Variants in TTC39C observed in about 807,000 individuals in gnomAD.
The protein encoded by TTC39C is tetratricopeptide repeat domain 39C, also known as tetratricopeptide repeat protein 39C.
TTC39C carries 33 observed loss-of-function variants against 76.3 expected under a neutral mutation model. The ratio of observed to expected loss-of-function variants is 0.43; its 90% CI spans 0.33 to 0.58. The LOEUF (loss-of-function observed/expected upper bound fraction) is 0.58. Ranked by LOEUF, TTC39C falls within the 20% of genes least tolerant of loss-of-function variation. TTC39C has a pLI of 0.04. For missense variants in TTC39C, 595 were observed against 701.4 expected, an observed-to-expected ratio of 0.85 and a Z score of 1.71; for synonymous variants, 254 against 260.6, an observed-to-expected ratio of 0.97 and a Z score of 0.24.
intron 6 of TTC39C, among the ~76,000 whole-genome samples, chr18:24,112,188 C>A (rs142473132): frequency 6.6e-6 from 1 of 152,198 alleles, no homozygotes; most frequent in South Asian, 2.1e-4. Flanking sequence ...CAGGCTCTGC[C>A]TCCATGGTTG....
chr18:24,073,672 C>T (rs1425014566), intron 4 of TTC39C, among the ~76,000 whole-genome samples: 10 of 152,236 alleles, frequency 6.6e-5, no homozygotes, highest in African/African-American at 2.2e-4. Flanking sequence ...TGTACCACCA[C>T]ACCTGGCTAA....
At position 24,051,797 on chromosome 18, in the gene TTC39C, A is replaced by G. The variant is rs939990585; in HGVS notation, c.168-12343A>G. On this transcript the variant is annotated intron_variant, in intron 1 of 13. Transcript: ENST00000317571. The stretch of plus-strand genomic sequence containing the variant: ...TTCAGGTGATGAAGGTCTTCTATCT[A>G]GTCATTTTTTGACCCTGTGAGGACA... 3.3e-5 allele frequency among the ~76,000 whole-genome samples: 5 copies of G among 152,206 alleles called. No homozygotes were observed. The East Asian group carries it at 9.6e-4, about 29-fold the overall frequency.
chr18:24,076,650 T>C (rs1426125143), intron 4 of TTC39C: 1 of 152,072 alleles, frequency 6.6e-6, no homozygotes, highest in Non-Finnish European at 1.5e-5. Flanking sequence ...GGACGCAGAA[T>C]GTAGTAAAAG....
In TTC39C at chr18:24,080,631, C is replaced by T; in HGVS notation, c.507C>T (p.Tyr169=). The change falls in exon 5 of 14, where the codon TAC becomes TAT. Residue 169 remains tyrosine, a synonymous_variant. Transcript: ENST00000317571. ...TCCTTAGGAAAGCCTGGAAGATTTACAATAAATGCTATCTGGACATCAATG... is the reference window on the plus strand; with the variant it reads ...TCCTTAGGAAAGCCTGGAAGATTTATAATAAATGCTATCTGGACATCAATG... The part of the protein sequence containing the change: ...GWILRKAWKI[Y]NKCYLDINAL... 1 of 1,613,638 alleles carries T rather than the reference C, an allele frequency of 6.2e-7. No individual in the cohort carries two copies. Among genetic ancestry groups the T allele is most frequent in the Non-Finnish European group, 8.5e-7 (1 of 1,179,808 alleles).
At chr18:24,058,915 C>T (rs2084053358) in intron 1 of TTC39C, among the ~76,000 whole-genome samples, 1 of 151,898 alleles carries the variant, frequency 6.6e-6, no homozygotes. Context: ...TTTTGGATAC[C>T]CTCATTTGTG....
At chr18:24,023,543 C>T (rs1263830875) in intron 1 of TTC39C, among the ~76,000 whole-genome samples, 1 of 152,190 alleles carries the variant, frequency 6.6e-6, no homozygotes, top group Middle Eastern at 3.2e-3. Context: ...TGTGCAGTGA[C>T]AAGGAGGCCA....
chr18:24,079,631 C>T (rs2084351490), intron 4 of TTC39C, among the ~76,000 whole-genome samples: 1 of 152,130 alleles, frequency 6.6e-6, no homozygotes, highest in Non-Finnish European at 1.5e-5. Flanking sequence ...ACACAGTACT[C>T]CTCAGATATA....
intron 4 of TTC39C, among the ~76,000 whole-genome samples, chr18:24,075,709 A>C (rs2084299522): frequency 1.3e-5 from 2 of 151,774 alleles, no homozygotes. Flanking sequence ...AAAAACAAAA[A>C]AAAAACCTCT....
At chr18:24,023,781 C>T (rs1056827529) in intron 1 of TTC39C, among the ~76,000 whole-genome samples, 12 of 146,908 alleles carry the variant, frequency 8.2e-5, no homozygotes, top group Admixed American at 7.0e-4. Context: ...CAGTGACTCT[C>T]GACTCTGTCA....
intron 6 of TTC39C, among the ~76,000 whole-genome samples, chr18:24,101,314 A>AAAAC (rs1386853528): frequency 1.3e-5 from 2 of 151,488 alleles, no homozygotes; most frequent in Non-Finnish European, 2.9e-5. Flanking sequence ...ATAAAAAAAA[A>AAAAC]AAAAAAAAAC....
chr18:24,040,124 G>A (rs2083774857), intron 1 of TTC39C, among the ~76,000 whole-genome samples: 3 of 152,186 alleles, frequency 2.0e-5, no homozygotes, highest in Non-Finnish European at 4.4e-5. Flanking sequence ...GACCGTGATT[G>A]GGACCACTAG....
intron 1 of TTC39C, among the ~76,000 whole-genome samples, chr18:24,029,632 G>A (rs2083643769): frequency 6.6e-6 from 1 of 152,148 alleles, no homozygotes; most frequent in African/African-American, 2.4e-5. Context: ...TGTACTTAAT[G>A]TGTGGTCTTT....
At chr18:24,004,820 A>T (rs1180484312) in intron 1 of TTC39C, among the ~76,000 whole-genome samples, 1 of 152,178 alleles carries the variant, frequency 6.6e-6, no homozygotes, top group East Asian at 1.9e-4. Flanking sequence ...CAATGTACAC[A>T]AAGATGAATA....
chr18:24,078,964 A>G (rs1463905227), intron 4 of TTC39C, among the ~76,000 whole-genome samples: 2 of 152,184 alleles, frequency 1.3e-5, no homozygotes, highest in Non-Finnish European at 2.9e-5. Context: ...TTTTCTACAC[A>G]TCTATTCTTA....
chr18:24,082,534 A>G lies in TTC39C; in HGVS notation c.816-379A>G, dbSNP rs186855682. On this transcript the variant is annotated intron_variant, in intron 5 of 13. Transcript: ENST00000317571. The stretch of plus-strand genomic sequence containing the variant: ...AATAAATAAATAAAGCTTTTATTAC[A>G]AGGGAACGGTAAACTCATGGTGACT... Among the ~76,000 whole-genome samples the G allele has an allele frequency of 1.9e-3, 295 of 152,322 alleles. 1 individual carries two copies. Among genetic ancestry groups the G allele is most frequent in the Non-Finnish European group, 1.1e-3 (75 of 68,016 alleles).
At chr18:24,084,582 A>G (rs1337236126) in intron 6 of TTC39C, among the ~76,000 whole-genome samples, 1 of 151,776 alleles carries the variant, frequency 6.6e-6, no homozygotes, top group Non-Finnish European at 1.5e-5. Context: ...TGTTCTCATT[A>G]TCTTGCAATT....
At chr18:24,119,782 T>A (rs2084941272) in intron 8 of TTC39C, among the ~76,000 whole-genome samples, 1 of 152,208 alleles carries the variant, frequency 6.6e-6, no homozygotes, top group Admixed American at 6.5e-5. Flanking sequence ...GTGTGTTTAA[T>A]ACGTTGAAGA....
intron 8 of TTC39C, among the ~76,000 whole-genome samples, chr18:24,120,831 C>T (rs1018320218): frequency 6.6e-6 from 1 of 151,850 alleles, no homozygotes; most frequent in Non-Finnish European, 1.5e-5. Flanking sequence ...AGCATAATGT[C>T]TTCAAGGTTC....
intron 1 of TTC39C, among the ~76,000 whole-genome samples, chr18:24,009,595 G>A (rs778026651): frequency 3.1e-4 from 47 of 152,342 alleles, no homozygotes; most frequent in Admixed American, 5.9e-4. Flanking sequence ...AATGGGGAGA[G>A]AGAATGAAAC....
Sources: allele counts gnomAD v4.1 joint callset (sites outside exome capture counted in the v4.1 genomes callset), GRCh38; gene constraint gnomAD v4.1.1; transcripts MANE v1.5; gene names NCBI Gene and HGNC (gene_info 2026-07-23, HGNC 2026-07-21).